Variants in PKN2 observed in about 807,000 individuals in gnomAD.
The protein encoded by PKN2 is protein kinase N2, also known as serine/threonine-protein kinase N2.
A neutral mutation model predicts 119.1 loss-of-function variants in PKN2; 38 were observed. The ratio of observed to expected loss-of-function variants is 0.32; its 90% CI spans 0.25 to 0.42. The LOEUF (loss-of-function observed/expected upper bound fraction) is 0.42, where lower values mean the gene tolerates loss of function less well. Among genes scored for constraint, PKN2 ranks in the 10% least tolerant of loss-of-function variants. The probability of loss-of-function intolerance (pLI) is 1.00; values close to 1 mark genes in which losing one functional copy is unlikely to be tolerated. For synonymous variants in PKN2, 390 were observed against 384.9 expected (o/e 1.01, Z -0.15); for missense variants, 850 against 1,165.1 (o/e 0.73, Z 3.94).
intron 1 of PKN2, among the ~76,000 whole-genome samples, chr1:88,700,590 A>G (rs1011698509): frequency 1.3e-5 from 2 of 152,198 alleles, no homozygotes; most frequent in Admixed American, 6.5e-5. Flanking sequence ...GTCTATTAAC[A>G]TTAGATCATT....
intron 18 of PKN2, among the ~76,000 whole-genome samples, chr1:88,824,863 G>T (rs1672434216): frequency 1.3e-5 from 2 of 152,222 alleles, no homozygotes; most frequent in South Asian, 4.1e-4. Context: ...AAAGGATAAA[G>T]ATCATGGGCT....
intron 19 of PKN2, among the ~76,000 whole-genome samples, chr1:88,830,082 C>A (rs786914): frequency 0.72 from 109,731 of 152,024 alleles, 40,850 homozygotes; most frequent in African/African-American, 0.91. Context: ...TACTGATCTT[C>A]TGCCCATTTT....
At chr1:88,703,670 T>G (rs1337743367) in intron 1 of PKN2, among the ~76,000 whole-genome samples, 1 of 152,202 alleles carries the variant, frequency 6.6e-6, no homozygotes, top group Admixed American at 6.5e-5. Flanking sequence ...GAATGACATT[T>G]TACTATAGAG....
intron 1 of PKN2, among the ~76,000 whole-genome samples, chr1:88,719,742 C>G (rs1198338749): frequency 2.0e-5 from 3 of 152,126 alleles, no homozygotes; most frequent in Non-Finnish European, 4.4e-5. Flanking sequence ...TTAGTTTCAT[C>G]TTTTCAACAT....
chr1:88,699,620 G>C (rs1177809913), intron 1 of PKN2, among the ~76,000 whole-genome samples: 5 of 151,918 alleles, frequency 3.3e-5, no homozygotes, highest in East Asian at 1.9e-4. Flanking sequence ...TGTTTCCCTC[G>C]ATGAGTCCAT....
At chr1:88,702,421 T>C (rs1017251270) in intron 1 of PKN2, among the ~76,000 whole-genome samples, 2 of 152,246 alleles carry the variant, frequency 1.3e-5, no homozygotes, top group East Asian at 1.9e-4. Flanking sequence ...CTCCAAATTA[T>C]GTCCTTTTTA....
At chr1:88,767,053 C>G (rs1669692820) in intron 3 of PKN2, among the ~76,000 whole-genome samples, 1 of 151,912 alleles carries the variant, frequency 6.6e-6, no homozygotes, top group Non-Finnish European at 1.5e-5. Flanking sequence ...AAAGAAGTAG[C>G]TTAATTGAAG....
At chr1:88,762,602 G>A (rs140128603) in intron 3 of PKN2, among the ~76,000 whole-genome samples, 294 of 152,154 alleles carry the variant, frequency 1.9e-3, no homozygotes, top group African/African-American at 6.9e-3. Flanking sequence ...TAATAAAGAT[G>A]GTGCCTTATT....
At chr1:88,788,900 A>G (rs781171268) in intron 8 of PKN2, among the ~76,000 whole-genome samples, 1 of 152,188 alleles carries the variant, frequency 6.6e-6, no homozygotes, top group Non-Finnish European at 1.5e-5. Context: ...TGAAGCTCCC[A>G]TGAGAGATTG....
chr1:88,808,014 A>C (rs1671621376), intron 15 of PKN2, among the ~76,000 whole-genome samples: 1 of 152,108 alleles, frequency 6.6e-6, no homozygotes, highest in Non-Finnish European at 1.5e-5. Context: ...TGTTTGAACT[A>C]ATTTTGTTAA....
In PKN2 at chr1:88,736,492, T is replaced by C. The variant is rs1668356283; in HGVS notation, c.49-4496T>C. On this transcript the variant is annotated intron_variant, in intron 1 of 21. Coordinates refer to ENST00000370521, the MANE Select transcript of PKN2 (RefSeq NM_006256.4). ...AGTTCTCCAACCTTAGCCTCCTGAG[T>C]AGCTGAGATTACAGGCATGTACTTC... 2.6e-5 allele frequency among the ~76,000 whole-genome samples: 4 copies of C among 152,074 alleles called. No homozygotes were observed. The South Asian group carries it at 8.3e-4, about 32-fold the overall frequency.
intron 16 of PKN2, among the ~76,000 whole-genome samples, chr1:88,815,701 C>T (rs1671958770): frequency 6.6e-6 from 1 of 152,152 alleles, no homozygotes; most frequent in Non-Finnish European, 1.5e-5. Flanking sequence ...TCATTATCTG[C>T]TCTGTAAAAT....
chr1:88,735,331 T>C (rs1028667123), intron 1 of PKN2, among the ~76,000 whole-genome samples: 4 of 152,024 alleles, frequency 2.6e-5, no homozygotes, highest in Non-Finnish European at 5.9e-5. Context: ...GCTGATTTTT[T>C]AATTTTCATT....
rs1670729681 is a variant in PKN2 at position 88,789,660 on chromosome 1, C to CTAATAATAATAAGAA, written c.1281+3448_1281+3449insAATAATAATAAGAAT. ...CCTGGGCGACAGAGCAAGACTCTAT[C>CTAATAATAATAAGAA]TCATAATAATAATAATAATAATAAT... On this transcript the variant is annotated intron_variant, in intron 8 of 21. Transcript: ENST00000370521. Among the ~76,000 whole-genome samples the CTAATAATAATAAGAA allele has an allele frequency of 4.9e-5, 5 of 101,400 alleles. No homozygotes were observed. In the South Asian group the frequency reaches 1.8e-3, roughly 37 times the overall value. The allele number at this position is 101,400 out of a possible 152,430, so 66.5% of individuals were successfully genotyped here. A position where few individuals can be genotyped will look rare whatever the true frequency, so the allele number is the denominator to read the frequency against.
At position 88,784,631 on chromosome 1, in the gene PKN2, G is replaced by C. The variant is rs892500696; in HGVS notation, c.986-8G>C. On this transcript the variant is annotated splice_polypyrimidine_tract_variant and splice_region_variant and intron_variant, in intron 6 of 21. Coordinates refer to ENST00000370521, the MANE Select transcript of PKN2 (RefSeq NM_006256.4). ...ATGTTCTTATCTGATATTTATGTTT[G>C]CCAACAGGTACTTTGGAAGTTCGTC... 4 of 1,541,186 alleles carry C rather than the reference G, an allele frequency of 2.6e-6. No individual in the cohort carries two copies. The highest frequency in any genetic ancestry group is 2.8e-5 in the African/African-American group (2 of 71,736).
At chr1:88,745,601 A>C (rs1668739194) in intron 2 of PKN2, among the ~76,000 whole-genome samples, 1 of 152,182 alleles carries the variant, frequency 6.6e-6, no homozygotes, top group African/African-American at 2.4e-5. Flanking sequence ...GGTACAAATA[A>C]ATGGAAAAAT....
At chr1:88,747,732 TTTAC>T (rs1668825795) in intron 2 of PKN2, among the ~76,000 whole-genome samples, 1 of 152,126 alleles carries the variant, frequency 6.6e-6, no homozygotes, top group Non-Finnish European at 1.5e-5. Context: ...TAGATTGGTT[TTTAC>T]TTATTAATTT....
intron 1 of PKN2, among the ~76,000 whole-genome samples, chr1:88,717,780 C>T (rs1002303110): frequency 6.6e-6 from 1 of 151,882 alleles, no homozygotes; most frequent in Non-Finnish European, 1.5e-5. Flanking sequence ...ACCGATCTTC[C>T]GAAGCCTACT....
chr1:88,750,324 A>G (rs1387491378), intron 2 of PKN2, among the ~76,000 whole-genome samples: 3 of 152,206 alleles, frequency 2.0e-5, no homozygotes, highest in African/African-American at 7.2e-5. Context: ...AGTAGTCAGA[A>G]GTCCTCTAAG....
Sources: allele counts gnomAD v4.1 joint callset (sites outside exome capture counted in the v4.1 genomes callset), GRCh38; gene constraint gnomAD v4.1.1; transcripts MANE v1.5; gene names NCBI Gene and HGNC (gene_info 2026-07-23, HGNC 2026-07-21).